The following ADAM2 variants were observed in gnomAD, a reference collection of about 807,000 sequenced individuals.
ADAM2 encodes the protein ADAM metallopeptidase domain 2.
ADAM2 carries 101 observed loss-of-function variants against 99.3 expected under a neutral mutation model. That is an observed-to-expected ratio of 1.02 (90% CI 0.87 to 1.20). The LOEUF (loss-of-function observed/expected upper bound fraction) is 1.20, where lower values mean the gene tolerates loss of function less well. Ranked by LOEUF, ADAM2 falls within the 50% of genes most tolerant of loss-of-function variation. ADAM2 has a pLI of 0.00. For synonymous variants in ADAM2, 323 were observed against 287.6 expected, an observed-to-expected ratio of 1.12 and a Z score of -1.25; for missense variants, 948 against 878.7, an observed-to-expected ratio of 1.08 and a Z score of -1.00.
In ADAM2 at chr8:39,744,004, T is replaced by C. The variant is rs1823344109; in HGVS notation, c.*91A>G. 1 of 152,120 alleles carries C rather than the reference T, an allele frequency of 6.6e-6. No homozygotes were observed. The highest frequency in any genetic ancestry group is 2.4e-5 in the African/African-American group (1 of 41,446). 9.4% of individuals were successfully genotyped at this position (152,120 alleles called of 1,614,324 possible). A position where few individuals can be genotyped will look rare whatever the true frequency, so the allele number is the denominator to read the frequency against. On this transcript the variant is annotated 3_prime_UTR_variant, in exon 21 of 21. Transcript: ENST00000265708. ...GTTTGAATCCCAGGAAACCAGGTAATGTACATTCTTTTCTTTCCATTTTTT... is the reference window on the plus strand; with the variant it reads ...GTTTGAATCCCAGGAAACCAGGTAACGTACATTCTTTTCTTTCCATTTTTT...
intron 11 of ADAM2, among the ~76,000 whole-genome samples, chr8:39,774,991 A>C (rs953161471): frequency 4.6e-5 from 7 of 152,096 alleles, no homozygotes. Context: ...TAAGGGTGTA[A>C]GGATGAAGAA....
At chr8:39,748,235 C>T (rs142717401) in intron 18 of ADAM2, among the ~76,000 whole-genome samples, 1,827 of 152,188 alleles carry the variant, frequency 0.012, 20 homozygotes, top group Admixed American at 0.021. Flanking sequence ...AGGAAGACCA[C>T]GAGAGTCCTA....
At chr8:39,799,773 C>T (rs1283492290) in intron 7 of ADAM2, among the ~76,000 whole-genome samples, 2 of 152,206 alleles carry the variant, frequency 1.3e-5, no homozygotes, top group African/African-American at 4.8e-5. Context: ...AAATTGTTCC[C>T]TTTACCCTTA....
chr8:39,794,505 TA>T (rs1020912707), intron 7 of ADAM2, among the ~76,000 whole-genome samples: 4 of 151,980 alleles, frequency 2.6e-5, no homozygotes, highest in African/African-American at 9.7e-5. Flanking sequence ...AAGTAAAAAC[TA>T]AAAGGCAGAA....
At chr8:39,753,322 G>C (rs1802022747) in intron 16 of ADAM2, among the ~76,000 whole-genome samples, 1 of 152,022 alleles carries the variant, frequency 6.6e-6, no homozygotes, top group South Asian at 2.1e-4. Flanking sequence ...CTGAACTTGA[G>C]AGATGATTTA....
intron 19 of ADAM2, among the ~76,000 whole-genome samples, chr8:39,745,932 C>T (rs1029715286): frequency 4.6e-5 from 7 of 151,910 alleles, no homozygotes; most frequent in Admixed American, 3.9e-4. Context: ...CCTAAAAAGT[C>T]CAGATTCTTA....
chr8:39,835,246 T>A (rs1276574388), intron 2 of ADAM2, among the ~76,000 whole-genome samples: 1 of 152,202 alleles, frequency 6.6e-6, no homozygotes, highest in East Asian at 1.9e-4. Context: ...ATGCTTAAGC[T>A]TCTAATTCTG....
intron 7 of ADAM2, among the ~76,000 whole-genome samples, chr8:39,805,190 C>T (rs572274635): frequency 3.9e-4 from 60 of 152,276 alleles, no homozygotes; most frequent in African/African-American, 1.4e-3. Flanking sequence ...ACCTCATGAC[C>T]TAATCACCTC....
In ADAM2 at chr8:39,767,246, A is replaced by G. The variant is rs113270778; in HGVS notation, c.1218T>C (p.Cys406=). 3.1e-5 allele frequency: 50 copies of G among 1,604,624 alleles called. No homozygotes were observed. In the African/African-American group the frequency reaches 5.2e-4, roughly 17 times the overall value. Residue 406 remains cysteine, a synonymous_variant, in exon 13 of 21, where the codon TGT becomes TGC. Coordinates refer to ENST00000265708, the MANE Select transcript of ADAM2 (RefSeq NM_001464.5). ...CACAGCATGTTTCTCCAATAAGGGC[A>G]CAATCCTGTAAGGCAAATCAAATGC... is the stretch of plus-strand genomic sequence containing the variant. ...EECDCGTEQD[C]ALIGETCCDI... is the part of the protein sequence containing the mutation.
At chr8:39,790,136 GAA>G (rs1803644010) in intron 7 of ADAM2, among the ~76,000 whole-genome samples, 1 of 151,862 alleles carries the variant, frequency 6.6e-6, no homozygotes, top group African/African-American at 2.4e-5. Flanking sequence ...TGTCAAACGT[GAA>G]AAGGAGTTAT....
chr8:39,809,082 T>G (rs1411747292), intron 7 of ADAM2, among the ~76,000 whole-genome samples: 1 of 152,192 alleles, frequency 6.6e-6, no homozygotes, highest in African/African-American at 2.4e-5. Context: ...AAACTTTTAT[T>G]TCTTTTTAAA....
intron 11 of ADAM2, among the ~76,000 whole-genome samples, chr8:39,773,815 C>G (rs575414573): frequency 3.3e-5 from 5 of 151,924 alleles, no homozygotes; most frequent in Admixed American, 6.6e-5. Context: ...TACAAAATCT[C>G]TTTTAGAAAG....
At chr8:39,762,673 A>G (rs1802416730) in intron 14 of ADAM2, among the ~76,000 whole-genome samples, 1 of 152,236 alleles carries the variant, frequency 6.6e-6, no homozygotes, top group African/African-American at 2.4e-5. Flanking sequence ...AGACCTTTAC[A>G]GCAGGCTTCC....
In ADAM2 at chr8:39,788,744, TA is replaced by T; in HGVS notation, c.571-5del. 6.9e-7 allele frequency: 1 copy of T among 1,442,436 alleles called. No homozygotes were observed. Among genetic ancestry groups the T allele is most frequent in the Non-Finnish European group, 9.4e-7 (1 of 1,066,048 alleles). 89.4% of individuals were successfully genotyped at this position (1,442,436 alleles called of 1,614,324 possible). ...TATCAGACCCCATATGATTATACTG[TA>T]AAATATTATTACATTTTAGATATAA... On this transcript the variant is annotated splice_polypyrimidine_tract_variant and splice_region_variant and intron_variant, in intron 7 of 20. Transcript: ENST00000265708.
At chr8:39,819,649 C>T (rs1040895781) in intron 6 of ADAM2, among the ~76,000 whole-genome samples, 3 of 152,096 alleles carry the variant, frequency 2.0e-5, no homozygotes, top group Non-Finnish European at 2.9e-5. Context: ...AGAGTATTTT[C>T]TAAACAAAAG....
intron 16 of ADAM2, among the ~76,000 whole-genome samples, chr8:39,750,390 G>A (rs1823684808): frequency 1.3e-5 from 2 of 151,946 alleles, no homozygotes; most frequent in Admixed American, 6.6e-5. Flanking sequence ...CAAAAAACTC[G>A]ATATTATATG....
intron 6 of ADAM2, among the ~76,000 whole-genome samples, chr8:39,814,848 G>C (rs535445378): frequency 1.3e-5 from 2 of 150,438 alleles, no homozygotes; most frequent in East Asian, 3.9e-4. Flanking sequence ...TGATATATAT[G>C]TAATATATAT....
At chr8:39,776,766 C>T (rs1483791276) in intron 11 of ADAM2, among the ~76,000 whole-genome samples, 3 of 152,100 alleles carry the variant, frequency 2.0e-5, no homozygotes, top group African/African-American at 7.2e-5. Flanking sequence ...TCAAATTATG[C>T]ATCAAATTGT....
At chr8:39,748,078 G>T (rs1586039574) in intron 18 of ADAM2, among the ~76,000 whole-genome samples, 1 of 152,286 alleles carries the variant, frequency 6.6e-6, no homozygotes, top group East Asian at 1.9e-4. Context: ...TTATGAATTT[G>T]AGGAGGGCTT....
Sources: allele counts gnomAD v4.1 joint callset (sites outside exome capture counted in the v4.1 genomes callset), GRCh38; gene constraint gnomAD v4.1.1; transcripts MANE v1.5; gene names NCBI Gene and HGNC (gene_info 2026-07-23, HGNC 2026-07-21).